Variants in PARPBP observed in about 807,000 individuals in gnomAD.
PARPBP encodes PCNA-interacting partner.
PARPBP carries 52 observed loss-of-function variants against 50.0 expected under a neutral mutation model. The observed-to-expected ratio is 1.04, with a 90% confidence interval of 0.83 to 1.31. The LOEUF (loss-of-function observed/expected upper bound fraction) is 1.31. Ranked by LOEUF, PARPBP falls within the 50% of genes most tolerant of loss-of-function variation. The pLI, the probability that PARPBP is intolerant of heterozygous loss-of-function variation, is 0.00. For missense variants in PARPBP, 697 were observed against 672.0 expected, an observed-to-expected ratio of 1.04 and a Z score of -0.41; for synonymous variants, 244 against 232.1, an observed-to-expected ratio of 1.05 and a Z score of -0.47.
At chr12:102,152,925 C>G (rs898168761) in intron 3 of PARPBP, among the ~76,000 whole-genome samples, 2 of 88,982 alleles carry the variant, frequency 2.2e-5, no homozygotes, top group African/African-American at 8.7e-5. Context: ...AGTAGAAGAA[C>G]AGTAAAACAA....
At position 102,120,252 on chromosome 12, in the gene PARPBP, C is replaced by A. The variant is rs544661714; in HGVS notation, c.-38C>A. On this transcript the variant is annotated 5_prime_UTR_variant, in exon 1 of 11. The change creates a new upstream start codon in the 5' untranslated region. Transcript: ENST00000327680. ...ATCCCGTTGGGGATCCTTCCGCACA[C>A]TGAAGAGTACGTCTTCGGGTCTACC... 2 of 264,308 alleles carry A rather than the reference C, an allele frequency of 7.6e-6. No homozygotes were observed. The highest frequency in any genetic ancestry group is 5.8e-5 in the South Asian group (2 of 34,322). The allele number at this position is 264,308 out of a possible 1,614,324, so 16.4% of individuals were successfully genotyped here.
At chr12:102,148,553 G>C in intron 3 of PARPBP, 90 bp downstream of exon 3, 1 of 553,144 alleles carries the variant, frequency 1.8e-6, no homozygotes, top group Non-Finnish European at 3.1e-6. Flanking sequence ...ATAGTAACTT[G>C]GTAATGTTTT....
chr12:102,144,064 T>A (rs1490867490), intron 2 of PARPBP, among the ~76,000 whole-genome samples: 1 of 152,206 alleles, frequency 6.6e-6, no homozygotes, highest in Admixed American at 6.5e-5. Context: ...CAGGTGTTAT[T>A]TAATCTGTGT....
intron 9 of PARPBP, among the ~76,000 whole-genome samples, chr12:102,183,916 A>G (rs1890063703): frequency 6.6e-6 from 1 of 151,966 alleles, no homozygotes; most frequent in South Asian, 2.1e-4. Context: ...CTCTACTGAA[A>G]ATACAGAAAT....
chr12:102,140,824 T>A (rs1884466497), intron 2 of PARPBP, among the ~76,000 whole-genome samples: 1 of 152,226 alleles, frequency 6.6e-6, no homozygotes, highest in Admixed American at 6.5e-5. Flanking sequence ...GAGTTCTAGT[T>A]TGATTGCACT....
chr12:102,184,617 T>C (rs576790691), intron 9 of PARPBP, among the ~76,000 whole-genome samples: 1 of 152,188 alleles, frequency 6.6e-6, no homozygotes, highest in Non-Finnish European at 1.5e-5. Flanking sequence ...GAGGTTATAA[T>C]TACATTGCTT....
intron 2 of PARPBP, among the ~76,000 whole-genome samples, chr12:102,133,230 T>C (rs1310592754): frequency 6.6e-6 from 1 of 152,196 alleles, no homozygotes; most frequent in Non-Finnish European, 1.5e-5. Flanking sequence ...TTCCTGATCT[T>C]AAAGGGAAAT....
chr12:102,133,586 C>G (rs939013319), intron 2 of PARPBP, among the ~76,000 whole-genome samples: 1 of 151,888 alleles, frequency 6.6e-6, no homozygotes, highest in Non-Finnish European at 1.5e-5. Flanking sequence ...GGATATTGTC[C>G]TCTAATTTTT....
rs1036636016 is a variant in PARPBP at position 102,196,557 on chromosome 12, C to T, written c.*266C>T. 2 of 897,600 alleles carry T rather than the reference C, an allele frequency of 2.2e-6. No individual in the cohort carries two copies. Among genetic ancestry groups the T allele is most frequent in the Admixed American group, 1.8e-5 (1 of 55,612 alleles). The allele number at this position is 897,600 out of a possible 1,614,324, so 55.6% of individuals were successfully genotyped here. On this transcript the variant is annotated 3_prime_UTR_variant, in exon 11 of 11. Transcript: ENST00000327680. ...ACTTTCTTTTAAAACAGACATTTAA[C>T]ATACACAAGTTATAGTAGCAGTATG... is the stretch of plus-strand genomic sequence containing the variant.
At chr12:102,140,810 T>C (rs1275313766) in intron 2 of PARPBP, among the ~76,000 whole-genome samples, 2 of 152,244 alleles carry the variant, frequency 1.3e-5, no homozygotes, top group Non-Finnish European at 2.9e-5. Context: ...AGTTTCTTAA[T>C]CCTGAGTTCT....
Position 102,182,443 on chromosome 12 carries a change from A to G in PARPBP, c.1185-106A>G. ...TGGGAGGTAACCCCATCATAAGTTG[A>G]GGAAAAACTAGATTGTATTGGGAAT... On this transcript the variant is annotated intron_variant, in intron 8 of 10. Transcript: ENST00000327680. 6.9e-6 allele frequency: 5 copies of G among 729,468 alleles called. No individual in the cohort carries two copies. In the Middle Eastern group the frequency reaches 1.2e-3, roughly 173 times the overall value. The allele number at this position is 729,468 out of a possible 1,614,324, so 45.2% of individuals were successfully genotyped here.
chr12:102,169,932 A>T (rs974055868), intron 6 of PARPBP, among the ~76,000 whole-genome samples: 1 of 152,278 alleles, frequency 6.6e-6, no homozygotes, highest in African/African-American at 2.4e-5. Context: ...TAGCTCTTGT[A>T]TCTGAGGAAA....
At chr12:102,147,880 C>A (rs1020601830) in intron 2 of PARPBP, among the ~76,000 whole-genome samples, 5 of 151,976 alleles carry the variant, frequency 3.3e-5, no homozygotes, top group Admixed American at 1.3e-4. Context: ...TCAAAATTTT[C>A]CCCCATCAAT....
At chr12:102,182,299 A>G (rs1381915606) in intron 8 of PARPBP, among the ~76,000 whole-genome samples, 1 of 152,190 alleles carries the variant, frequency 6.6e-6, no homozygotes, top group Non-Finnish European at 1.5e-5. Context: ...ATTGGAATGT[A>G]CTAATTCCAG....
At chr12:102,171,922 A>G (rs761618363) in intron 6 of PARPBP, among the ~76,000 whole-genome samples, 21 of 152,166 alleles carry the variant, frequency 1.4e-4, no homozygotes, top group Non-Finnish European at 5.9e-5. Flanking sequence ...TGGCACCTTT[A>G]ATTACATTTA....
chr12:102,127,041 G>T (rs1339421463), intron 2 of PARPBP, among the ~76,000 whole-genome samples: 1 of 151,984 alleles, frequency 6.6e-6, no homozygotes, highest in Non-Finnish European at 1.5e-5. Flanking sequence ...GGTTTTTTAG[G>T]TTCCTTATTT....
intron 2 of PARPBP, among the ~76,000 whole-genome samples, chr12:102,134,692 C>T (rs1883360972): frequency 1.3e-5 from 2 of 152,010 alleles, no homozygotes; most frequent in Non-Finnish European, 2.9e-5. Flanking sequence ...CTTGTTTTTG[C>T]TGTGAGACAG....
chr12:102,137,906 C>G (rs11111174), intron 2 of PARPBP, among the ~76,000 whole-genome samples: 39,461 of 152,020 alleles, frequency 0.26, 5,265 homozygotes, highest in East Asian at 0.42. Flanking sequence ...GTCTATCATT[C>G]TTGGACATTT....
rs962877827 is a variant in PARPBP at position 102,196,795 on chromosome 12, C to T, written c.*504C>T. 7 of 1,122,900 alleles carry T rather than the reference C, an allele frequency of 6.2e-6. No homozygotes were observed. The highest frequency in any genetic ancestry group is 8.0e-6 in the Non-Finnish European group (6 of 751,728). 69.6% of individuals were successfully genotyped at this position (1,122,900 alleles called of 1,614,324 possible). A position where few individuals can be genotyped will look rare whatever the true frequency, so the allele number is the denominator to read the frequency against. ...AAGAATGGATCTAGTATAACTAATT[C>T]TGAGTAAACCAAAATGATAATAATT... On this transcript the variant is annotated 3_prime_UTR_variant, in exon 11 of 11. Coordinates refer to ENST00000327680, the MANE Select transcript of PARPBP (RefSeq NM_017915.5).
Sources: allele counts gnomAD v4.1 joint callset (sites outside exome capture counted in the v4.1 genomes callset), GRCh38; gene constraint gnomAD v4.1.1; transcripts MANE v1.5; gene names NCBI Gene and HGNC (gene_info 2026-07-23, HGNC 2026-07-21).